Variants in ZPBP2 observed in about 807,000 individuals in gnomAD.
ZPBP2 encodes zona pellucida binding protein 2.
ZPBP2 carries 34 observed loss-of-function variants against 37.5 expected under a neutral mutation model. The observed-to-expected ratio is 0.91, with a 90% CI of 0.69 to 1.21. ZPBP2 has a LOEUF of 1.21. ZPBP2 is among the 50% of genes most tolerant of loss of function. ZPBP2 has a pLI of 0.00. For missense variants in ZPBP2, 397 were observed against 413.5 expected, an observed-to-expected ratio of 0.96 and a Z score of 0.35; for synonymous variants, 143 against 138.4, an observed-to-expected ratio of 1.03 and a Z score of -0.23.
rs771175610 is a variant in ZPBP2 at position 39,868,371 on chromosome 17, T to A, written c.17T>A (p.Val6Asp). ...CCCTGAGCGATGATGCGAACGTGCG[T>A]CCTACTCTCCGCGGTGCTCTGGTGC... MMRTC[V>D]LLSAVLWCLT... is the part of the protein sequence containing the mutation. Residue 6 changes from valine to aspartate, a missense_variant, in exon 1 of 8, where the codon GTC becomes GAC. Physicochemically the swap from Val to Asp is radical, Grantham distance 152 (BLOSUM62 -3). Transcript: ENST00000348931. 3.1e-6 allele frequency: 5 copies of A among 1,610,158 alleles called. No individual in the cohort carries two copies. In the South Asian group the frequency reaches 4.4e-5, roughly 14 times the overall value.
At chr17:39,871,430 A>G (rs540148787) in intron 3 of ZPBP2, 34 bp from the exon 4 acceptor site, 8 of 1,452,198 alleles carry the variant, frequency 5.5e-6, no homozygotes, top group South Asian at 1.3e-5. Flanking sequence ...TTGATATGTT[A>G]TATGTTAAAT....
chr17:39,875,432 G>A lies in ZPBP2; in HGVS notation c.887G>A (p.Cys296Tyr). ...CTACACAGTAATTGCGCTAGCTGTT[G>A]TGGTAACTATAAAATATAAATATCT... Reference protein sequence around the residue: ...ERLHSNCASCCVVCSPATFSP... With the variant: ...ERLHSNCASCYVVCSPATFSP... The change falls in exon 7 of 8, where the codon TGT becomes TAT. Residue 296 changes from cysteine to tyrosine, a missense_variant and splice_region_variant. Cys to Tyr is a radical substitution (Grantham distance 194, BLOSUM62 -2). Coordinates refer to ENST00000348931, the MANE Select transcript of ZPBP2 (RefSeq NM_199321.3). The A allele has an allele frequency of 6.3e-7, 1 of 1,588,524 alleles. No individual in the cohort carries two copies.
At chr17:39,873,976 A>G (rs2063377322) in intron 6 of ZPBP2, among the ~76,000 whole-genome samples, 2 of 151,636 alleles carry the variant, frequency 1.3e-5, no homozygotes, top group Admixed American at 1.3e-4. Context: ...TGATTAAAGA[A>G]AAGTCTTTTT....
Position 39,871,586 on chromosome 17 carries a change from G to GA in ZPBP2, c.373dup (p.Thr125AsnfsTer7). 1 of 1,594,306 alleles carries GA rather than the reference G, an allele frequency of 6.3e-7. No homozygotes were observed. Among genetic ancestry groups the GA allele is most frequent in the Non-Finnish European group, 8.5e-7 (1 of 1,172,560 alleles). On this transcript the variant is annotated frameshift_variant, in exon 4 of 8. Transcript: ENST00000348931. LOFTEE classifies it high-confidence loss of function. ...GACTGTTAAAGCAGAAACTCAAGAA[G>GA]AAAAAACAGTCAAAAAGAGATATGA... is the stretch of plus-strand genomic sequence containing the variant.
chr17:39,875,886 T>C lies in ZPBP2; in HGVS notation c.889+452T>C, dbSNP rs1336339261. Among the ~76,000 whole-genome samples the C allele has an allele frequency of 1.1e-3, 99 of 94,094 alleles. 2 individuals carry two copies. Among genetic ancestry groups the C allele is most frequent in the African/African-American group, 3.7e-3 (94 of 25,680 alleles). 61.7% of individuals were successfully genotyped at this position (94,094 alleles called of 152,430 possible). ...TGTGGGCTACCATGCTTGGCCCCTT[T>C]TTTTTTTTTTTTTTTTTTTTTTTTT... is the stretch of plus-strand genomic sequence containing the variant. On this transcript the variant is annotated intron_variant, in intron 7 of 7. Transcript: ENST00000348931.
At position 39,872,580 on chromosome 17, in the gene ZPBP2, T is replaced by C. The variant is rs1245137751; in HGVS notation, c.625+92T>C. 7 of 857,548 alleles carry C rather than the reference T, an allele frequency of 8.2e-6. No homozygotes were observed. The Admixed American group carries it at 9.6e-5, about 12-fold the overall frequency. The allele number at this position is 857,548 out of a possible 1,614,324, so 53.1% of individuals were successfully genotyped here. On this transcript the variant is annotated intron_variant, in intron 5 of 7. Transcript: ENST00000348931. ...ATATTAATATAAGATATTTTAAAAGTAATAGGTCTTACATGTTTGTTAAGC... is the reference window on the plus strand; with the variant it reads ...ATATTAATATAAGATATTTTAAAAGCAATAGGTCTTACATGTTTGTTAAGC...
intron 2 of ZPBP2, 50 bp downstream of exon 2, chr17:39,868,664 G>A (rs756496662): frequency 1.2e-6 from 2 of 1,606,108 alleles, no homozygotes; most frequent in Non-Finnish European, 1.7e-6. Flanking sequence ...CCGGAACTGC[G>A]AAGCTCTTCC....
rs747836123 is a variant in ZPBP2 at position 39,870,839 on chromosome 17, G to A, written c.244+20G>A. On this transcript the variant is annotated intron_variant, in intron 3 of 7. Coordinates refer to ENST00000348931, the MANE Select transcript of ZPBP2 (RefSeq NM_199321.3). ...TAACAGGTAAATTTGATTTTAATAT[G>A]TACTTTTTTAATGATGTGAACATAT... 1.4e-6 allele frequency: 2 copies of A among 1,470,338 alleles called. No individual in the cohort carries two copies. Among genetic ancestry groups the A allele is most frequent in the African/African-American group, 1.4e-5 (1 of 71,246 alleles). 91.1% of individuals were successfully genotyped at this position (1,470,338 alleles called of 1,614,324 possible).
rs145761179 is a variant in ZPBP2, at chr17:39,872,478, A to G, written c.615A>G (p.Ile205Met). 7.8e-5 allele frequency: 124 copies of G among 1,591,296 alleles called. No homozygotes were observed. The African/African-American group carries it at 1.5e-3, about 19-fold the overall frequency. The change falls in exon 5 of 8, where the codon ATA becomes ATG. Residue 205 changes from isoleucine (I) to methionine (M), a missense_variant. By Grantham distance (10) the Ile-to-Met change is conservative. Transcript: ENST00000348931. The part of the protein sequence containing the change: ...PEHGLIHELF[I>M]AFQVNPFAPG... ...ATGGCCTCATACATGAGCTATTTATAGCATTTCAAGGTAAAATTTTTAAAA... is the reference window on the plus strand; with the variant it reads ...ATGGCCTCATACATGAGCTATTTATGGCATTTCAAGGTAAAATTTTTAAAA...
Position 39,871,631 on chromosome 17 carries a change from A to G in ZPBP2, c.406+6A>G. 6.5e-7 allele frequency: 1 copy of G among 1,540,858 alleles called. No individual in the cohort carries two copies. The highest frequency in any genetic ancestry group is 1.4e-5 in the African/African-American group (1 of 71,590). ...ATATGACTTTATGGTCTTTGGTAAG[A>G]ATTTAGGCACATTTTAACTTATACA... On this transcript the variant is annotated splice_donor_region_variant and intron_variant, in intron 4 of 7. Transcript: ENST00000348931.
Position 39,876,720 on chromosome 17 carries a change from G to T in ZPBP2, c.928G>T (p.Val310Leu), listed in dbSNP as rs866777027. Residue 310 changes from valine to leucine, a missense_variant, in exon 8 of 8, where the codon GTA becomes TTA. By Grantham distance (32) the Val-to-Leu change is conservative (BLOSUM62 1). Transcript: ENST00000348931. ...TGCGACTTTTAGTCCTGATGTTAAT[G>T]TAACTTGTCAGACCTGCGTTTCCGT... ...SPATFSPDVN[V>L]TCQTCVSVLT... 1 of 1,613,926 alleles carries T rather than the reference G, an allele frequency of 6.2e-7. No individual in the cohort carries two copies. The highest frequency in any genetic ancestry group is 1.3e-5 in the African/African-American group (1 of 75,028).
chr17:39,873,866 T>G (rs1283836432), intron 6 of ZPBP2, among the ~76,000 whole-genome samples: 1 of 152,200 alleles, frequency 6.6e-6, no homozygotes, highest in Non-Finnish European at 1.5e-5. Flanking sequence ...ATGTCCTTAA[T>G]TGTTATTGTG....
chr17:39,868,371 T>G lies in ZPBP2; in HGVS notation c.17T>G (p.Val6Gly). 1 of 1,610,156 alleles carries G rather than the reference T, an allele frequency of 6.2e-7. No homozygotes were observed. The highest frequency in any genetic ancestry group is 8.5e-7 in the Non-Finnish European group (1 of 1,179,958). The change falls in exon 1 of 8, where the codon GTC (valine) becomes GGC (glycine). Residue 6 changes from valine to glycine, a missense_variant. Coordinates refer to ENST00000348931, the MANE Select transcript of ZPBP2 (RefSeq NM_199321.3). Reference sequence around the variant, plus strand: ...CCCTGAGCGATGATGCGAACGTGCGTCCTACTCTCCGCGGTGCTCTGGTGC... The same window carrying G: ...CCCTGAGCGATGATGCGAACGTGCGGCCTACTCTCCGCGGTGCTCTGGTGC... Reference protein sequence around the residue: MMRTCVLLSAVLWCLT... With the variant: MMRTCGLLSAVLWCLT...
Position 39,872,252 on chromosome 17 carries a change from T to A in ZPBP2, c.407-18T>A, listed in dbSNP as rs1439089467. Reference sequence around the variant, plus strand: ...AGGTACGATTGTTTTCACTCTCATCTTTCTTTTTTTTTTAAAGCCTATCGG... The same window carrying A: ...AGGTACGATTGTTTTCACTCTCATCATTCTTTTTTTTTTAAAGCCTATCGG... On this transcript the variant is annotated intron_variant, in intron 4 of 7. Coordinates refer to ENST00000348931, the MANE Select transcript of ZPBP2 (RefSeq NM_199321.3). 1 of 1,563,504 alleles carries A rather than the reference T, an allele frequency of 6.4e-7. No individual in the cohort carries two copies. Among genetic ancestry groups the A allele is most frequent in the African/African-American group, 1.4e-5 (1 of 72,344 alleles).
rs1412653973 is a variant in ZPBP2 at position 39,872,353 on chromosome 17, T to C, written c.490T>C (p.Phe164Leu). 6.2e-7 allele frequency: 1 copy of C among 1,613,466 alleles called. No individual in the cohort carries two copies. The highest frequency in any genetic ancestry group is 1.7e-5 in the Admixed American group (1 of 59,988). Residue 164 changes from phenylalanine (F) to leucine (L), a missense_variant, in exon 5 of 8, where the codon TTT (phenylalanine) becomes CTT (leucine). Coordinates refer to ENST00000348931, the MANE Select transcript of ZPBP2 (RefSeq NM_199321.3). ...SCIGRYNDVF[F>L]RVLKKILDSL... ...TATAGGGAGATACAATGATGTATTC[T>C]TTAGAGTGCTGAAGAAAATCTTGGA...
In ZPBP2 at chr17:39,876,989, A is replaced by G; in HGVS notation, c.*180A>G. ...GCATTTCTAAGAAGGCATTTAATCC[A>G]GTATCTCTAGTGTACAAAGGAAACT... is the stretch of plus-strand genomic sequence containing the variant. On this transcript the variant is annotated 3_prime_UTR_variant, in exon 8 of 8. Transcript: ENST00000348931. 2 of 614,140 alleles carry G rather than the reference A, an allele frequency of 3.3e-6. No homozygotes were observed. The highest frequency in any genetic ancestry group is 1.9e-5 in the African/African-American group (1 of 53,396). 38.0% of individuals were successfully genotyped at this position (614,140 alleles called of 1,614,324 possible). A position where few individuals can be genotyped will look rare whatever the true frequency, so the allele number is the denominator to read the frequency against.
At chr17:39,876,582 T>C (rs1442332415) in intron 7 of ZPBP2, 100 bp from the exon 8 acceptor site, 2 of 1,343,438 alleles carry the variant, frequency 1.5e-6, no homozygotes, top group Non-Finnish European at 2.1e-6. Flanking sequence ...AATGGTATGA[T>C]ATTAAAGGCA....
chr17:39,871,112 T>G (rs952176092), intron 3 of ZPBP2, among the ~76,000 whole-genome samples: 1 of 152,156 alleles, frequency 6.6e-6, no homozygotes, highest in Non-Finnish European at 1.5e-5. Context: ...AACTAATATA[T>G]AATTTTTCAT....
rs1352876632 is a variant in ZPBP2, at chr17:39,875,429, G to A, written c.884G>A (p.Cys295Tyr). Residue 295 changes from cysteine to tyrosine, a missense_variant, in exon 7 of 8, where the codon TGT becomes TAT. By Grantham distance (194) the Cys-to-Tyr change is radical (BLOSUM62 -2). Transcript: ENST00000348931. The part of the protein sequence containing the change: ...NERLHSNCAS[C>Y]CVVCSPATFS... ...CGTCTACACAGTAATTGCGCTAGCT[G>A]TTGTGGTAACTATAAAATATAAATA... is the stretch of plus-strand genomic sequence containing the variant. 2.5e-6 allele frequency: 4 copies of A among 1,590,606 alleles called. No homozygotes were observed. The highest frequency in any genetic ancestry group is 3.4e-6 in the Non-Finnish European group (4 of 1,171,994).
Sources: gnomAD v4.1 joint callset for allele counts (sites outside exome capture counted in the v4.1 genomes callset) on GRCh38, gnomAD v4.1.1 for gene constraint, MANE v1.5 for transcripts, NCBI Gene and HGNC (gene_info 2026-07-23, HGNC 2026-07-21) for gene names.